CENPE: variants seen among roughly 807,000 people sequenced by gnomAD.
CENPE encodes the protein centromere protein E.
A neutral mutation model predicts 336.1 loss-of-function variants in CENPE; 145 were observed. That is an observed-to-expected ratio of 0.43 (90% confidence interval 0.38 to 0.50). The LOEUF is 0.50. Among genes scored for constraint, CENPE ranks in the 20% least tolerant of loss-of-function variants. The pLI is 0.00. For missense variants in CENPE, 2,719 were observed against 3,023.3 expected (o/e 0.90, Z 2.36); for synonymous variants, 1,013 against 984.8 (o/e 1.03, Z -0.54).
Position 103,159,259 on chromosome 4 carries a change from T to C in CENPE, c.2352A>G (p.Val784=). The C allele has an allele frequency of 6.3e-7, 1 of 1,591,116 alleles. No individual in the cohort carries two copies. Among genetic ancestry groups the C allele is most frequent in the South Asian group, 1.1e-5 (1 of 87,132 alleles). ...TSEKDKLFSE[V]VHKESRVQGL... ...CTTGAACTCTACTCTCCTTATGAACTACTTCAGAAAACAATTTATCTTTTT... is the reference window on the plus strand; with the variant it reads ...CTTGAACTCTACTCTCCTTATGAACCACTTCAGAAAACAATTTATCTTTTT... Residue 784 remains valine, a synonymous_variant, in exon 22 of 49, where the codon GTA becomes GTG. Coordinates refer to ENST00000265148, the MANE Select transcript of CENPE (RefSeq NM_001813.3).
chr4:103,151,775 T>C (rs1287017362), intron 25 of CENPE, among the ~76,000 whole-genome samples: 1 of 152,180 alleles, frequency 6.6e-6, no homozygotes, highest in Admixed American at 6.5e-5. Flanking sequence ...GAGCTCAAAA[T>C]GGCAGCCACC....
intron 38 of CENPE, 78 bp from the exon 39 acceptor site, chr4:103,138,527 A>G: frequency 2.3e-6 from 2 of 874,902 alleles, no homozygotes; most frequent in Non-Finnish European, 3.8e-6. Flanking sequence ...CACACTTCTA[A>G]ATTACATGAC....
At chr4:103,196,992 C>T (rs1757792121) in intron 1 of CENPE, 142 bp from the exon 2 acceptor site, 1 of 642,884 alleles carries the variant, frequency 1.6e-6, no homozygotes, top group Non-Finnish European at 2.8e-6. Context: ...TTTGAGGATT[C>T]AACTCTTAAA....
intron 45 of CENPE, among the ~76,000 whole-genome samples, chr4:103,115,725 A>G (rs1023460531): frequency 6.6e-6 from 1 of 151,230 alleles, no homozygotes; most frequent in African/African-American, 2.4e-5. Context: ...AAGTGAGAAC[A>G]TATTTCTTTT....
At chr4:103,146,258 A>C (rs1432744262) in intron 29 of CENPE, 151 bp from the exon 30 acceptor site, 2 of 728,614 alleles carry the variant, frequency 2.7e-6, no homozygotes, top group Non-Finnish European at 4.3e-6. Context: ...TCCATTATTC[A>C]GGCATTTAAT....
chr4:103,175,663 T>C (rs1206857377), intron 15 of CENPE, among the ~76,000 whole-genome samples: 1 of 152,124 alleles, frequency 6.6e-6, no homozygotes, highest in East Asian at 1.9e-4. Flanking sequence ...AAATCAGTCT[T>C]GTTACCCTAA....
intron 48 of CENPE, among the ~76,000 whole-genome samples, 180 bp downstream of exon 48, chr4:103,108,623 T>C (rs914901462): frequency 1.3e-5 from 2 of 152,152 alleles, no homozygotes; most frequent in African/African-American, 4.8e-5. Context: ...TGAATTGCAC[T>C]TCACTGTGTG....
intron 17 of CENPE, 81 bp from the exon 18 acceptor site, chr4:103,163,337 G>T: frequency 7.5e-7 from 1 of 1,330,782 alleles, no homozygotes; most frequent in Non-Finnish European, 1.0e-6. Flanking sequence ...ATATATATTA[G>T]TTTAAATTCA....
At position 103,146,115 on chromosome 4, in the gene CENPE, G is replaced by C. The variant is rs1442433408; in HGVS notation, c.4135-8C>G. ...GCTTTGAGACTCCTGGATCTTAAGA[G>C]AATCATAAAACAGTACAGTTGATAT... is the stretch of plus-strand genomic sequence containing the variant. On this transcript the variant is annotated splice_region_variant and splice_polypyrimidine_tract_variant and intron_variant, in intron 29 of 48. Transcript: ENST00000265148. The C allele has an allele frequency of 6.2e-7, 1 of 1,609,894 alleles. No individual in the cohort carries two copies. Among genetic ancestry groups the C allele is most frequent in the Non-Finnish European group, 8.5e-7 (1 of 1,178,592 alleles).
chr4:103,176,877 T>C, intron 14 of CENPE, 22 bp downstream of exon 14: 1 of 1,538,598 alleles, frequency 6.5e-7, no homozygotes, highest in Non-Finnish European at 8.8e-7. Context: ...TAAACATAGT[T>C]CCACTTGAAA....
At chr4:103,132,154 G>A (rs932336361) in intron 42 of CENPE, among the ~76,000 whole-genome samples, 28 of 152,150 alleles carry the variant, frequency 1.8e-4, no homozygotes, top group African/African-American at 6.3e-4. Context: ...TGCCAAATGT[G>A]CCACCCTGAT....
At chr4:103,113,533 A>G (rs1448869851) in intron 46 of CENPE, among the ~76,000 whole-genome samples, 1 of 140,256 alleles carries the variant, frequency 7.1e-6, no homozygotes, top group Non-Finnish European at 1.5e-5. Context: ...TATATATAAT[A>G]TATAACTTAT....
Position 103,132,884 on chromosome 4 carries a change from C to A in CENPE, c.6733G>T (p.Asp2245Tyr). The A allele has an allele frequency of 1.4e-6, 2 of 1,433,036 alleles. No homozygotes were observed. Among genetic ancestry groups the A allele is most frequent in the Non-Finnish European group, 1.8e-6 (2 of 1,084,592 alleles). The allele number at this position is 1,433,036 out of a possible 1,614,324, so 88.8% of individuals were successfully genotyped here. A position where few individuals can be genotyped will look rare whatever the true frequency, so the allele number is the denominator to read the frequency against. The change falls in exon 42 of 49, where the codon GAT (aspartate) becomes TAT (tyrosine). Residue 2245 changes from aspartate (D) to tyrosine (Y), a missense_variant. Around this residue, in one of 5 missense-constraint regions of CENPE, gnomAD observed 2,437 missense variants for 2,513.3 expected, o/e 0.97. Transcript: ENST00000265148. ...CTAGGGAACTCACTTTCTGAGAAAT[C>A]TTTGAGAATTTCCTGTGTGAAAAAT... is the stretch of plus-strand genomic sequence containing the variant. ...MDLHIEEILK[D>Y]FSESEFPSIK...
At chr4:103,124,016 T>A (rs544466320) in intron 42 of CENPE, among the ~76,000 whole-genome samples, 1 of 152,358 alleles carries the variant, frequency 6.6e-6, no homozygotes, top group Admixed American at 6.5e-5. Flanking sequence ...ACTTTTACTA[T>A]AGTATATTGT....
chr4:103,132,573 C>G (rs1578573543), intron 42 of CENPE, 120 bp downstream of exon 42: 1 of 470,378 alleles, frequency 2.1e-6, no homozygotes, highest in East Asian at 3.5e-5. Context: ...TTTATCAAAT[C>G]AATTTTTTTA....
Position 103,133,810 on chromosome 4 carries a change from A to G in CENPE, c.6605T>C (p.Val2202Ala), listed in dbSNP as rs777697926. The stretch of plus-strand genomic sequence containing the variant: ...AATTAGCAATTCCTTTTGCTTTTCC[A>G]CTTCATCAATAAAATCCATTTCAAA... ...NKFEMDFIDE[V>A]EKQKELLIKI... The change falls in exon 41 of 49, where the codon GTG becomes GCG. Residue 2202 changes from valine to alanine, a missense_variant. Val to Ala is a moderately conservative substitution (Grantham distance 64). Around this residue, in one of 5 missense-constraint regions of CENPE, gnomAD observed 2,437 missense variants for 2,513.3 expected, o/e 0.97. Transcript: ENST00000265148. The G allele has an allele frequency of 5.0e-6, 8 of 1,606,574 alleles. No homozygotes were observed. The Admixed American group carries it at 1.2e-4, about 24-fold the overall frequency.
intron 39 of CENPE, 102 bp downstream of exon 39, chr4:103,138,249 C>T: frequency 1.3e-6 from 1 of 772,672 alleles, no homozygotes; most frequent in South Asian, 1.5e-5. Context: ...ATACTGAGCA[C>T]TATCTATTTA....
intron 43 of CENPE, among the ~76,000 whole-genome samples, chr4:103,121,006 G>A (rs1750576862): frequency 6.6e-6 from 1 of 152,110 alleles, no homozygotes; most frequent in Admixed American, 6.6e-5. Flanking sequence ...AAAGTGCTGG[G>A]ATTAAAGGCA....
intron 46 of CENPE, among the ~76,000 whole-genome samples, chr4:103,111,818 A>G (rs1489304385): frequency 6.6e-6 from 1 of 152,096 alleles, no homozygotes; most frequent in Non-Finnish European, 1.5e-5. Context: ...TTTAAGCTAC[A>G]ACAGGTACTA....
Sources: gnomAD v4.1 joint callset for allele counts (sites outside exome capture counted in the v4.1 genomes callset) on GRCh38, gnomAD v4.1.1 for gene constraint, gnomAD v4.1.1 regional missense constraint, MANE v1.5 for transcripts, NCBI Gene and HGNC (gene_info 2026-07-23, HGNC 2026-07-21) for gene names.